Variants in EYS observed in about 807,000 individuals in gnomAD.
EYS encodes EGF-like photoreceptor maintenance factor.
Under a neutral mutation model 282.1 loss-of-function variants are expected in EYS, and 250 were observed. The ratio of observed to expected loss-of-function variants is 0.89; its 90% CI spans 0.80 to 0.98. EYS has a LOEUF of 0.98. Among genes scored for constraint, EYS ranks in the 50% least tolerant of loss-of-function variants. The probability of loss-of-function intolerance (pLI) is 0.00; values close to 1 mark genes in which losing one functional copy is unlikely to be tolerated. For synonymous variants in EYS, 1,355 were observed against 1,282.9 expected, an observed-to-expected ratio of 1.06 and a Z score of -1.20; for missense variants, 4,016 against 3,709.0, an observed-to-expected ratio of 1.08 and a Z score of -2.15.
chr6:64,338,591 C>T (rs771109310), intron 29 of EYS, among the ~76,000 whole-genome samples: 9 of 151,702 alleles, frequency 5.9e-5, no homozygotes, highest in Non-Finnish European at 1.3e-4. Flanking sequence ...ATGCAATCCC[C>T]ATCAAAATAC....
At chr6:64,075,521 G>C (rs749884732) in intron 32 of EYS, among the ~76,000 whole-genome samples, 4 of 151,770 alleles carry the variant, frequency 2.6e-5, no homozygotes, top group Non-Finnish European at 5.9e-5. Context: ...TCTTCATTTG[G>C]GTGAAATGAA....
At chr6:65,089,996 C>CAT (rs1774508196) in intron 12 of EYS, among the ~76,000 whole-genome samples, 2 of 148,802 alleles carry the variant, frequency 1.3e-5, no homozygotes, top group African/African-American at 5.0e-5. Flanking sequence ...CACACACACA[C>CAT]ACACACACAC....
At chr6:63,877,032 G>A (rs1168864634) in intron 35 of EYS, among the ~76,000 whole-genome samples, 1 of 152,090 alleles carries the variant, frequency 6.6e-6, no homozygotes, top group African/African-American at 2.4e-5. Context: ...TGGTTATTTT[G>A]CTCGTTAGTT....
At chr6:64,902,289 G>A in intron 17 of EYS, 69 bp from the exon 18 acceptor site, 2 of 1,339,322 alleles carry the variant, frequency 1.5e-6, no homozygotes, top group Non-Finnish European at 2.1e-6. Context: ...ACTAATTGTA[G>A]CATGGCAAGT....
At chr6:64,786,256 G>A (rs1167947043) in intron 22 of EYS, among the ~76,000 whole-genome samples, 1 of 151,214 alleles carries the variant, frequency 6.6e-6, no homozygotes, top group Non-Finnish European at 1.5e-5. Context: ...AGAAGGAAGG[G>A]AGAAGGAAGA....
intron 12 of EYS, among the ~76,000 whole-genome samples, chr6:65,180,311 G>T (rs947516261): frequency 2.6e-5 from 4 of 151,828 alleles, no homozygotes; most frequent in African/African-American, 7.2e-5. Context: ...AAAACCCCAT[G>T]GTCTCAGCCC....
At chr6:64,510,861 G>A (rs1016019950) in intron 26 of EYS, among the ~76,000 whole-genome samples, 2 of 151,938 alleles carry the variant, frequency 1.3e-5, no homozygotes, top group African/African-American at 4.8e-5. Context: ...GTTTCTCTCC[G>A]GCAATGCCTG....
At chr6:65,637,477 G>T (rs1767129363) in intron 2 of EYS, among the ~76,000 whole-genome samples, 1 of 152,162 alleles carries the variant, frequency 6.6e-6, no homozygotes, top group African/African-American at 2.4e-5. Context: ...CCAGGAGCAG[G>T]CGAGAGCCCA....
At chr6:63,981,443 T>A (rs1050154928) in intron 35 of EYS, among the ~76,000 whole-genome samples, 3 of 151,848 alleles carry the variant, frequency 2.0e-5, no homozygotes, top group African/African-American at 7.2e-5. Flanking sequence ...ACAAAGGGAT[T>A]GCAGGAATAT....
intron 11 of EYS, chr6:65,332,115 C>T: frequency 2.4e-6 from 1 of 422,392 alleles, no homozygotes; most frequent in Non-Finnish European, 4.2e-6. Flanking sequence ...AGTTATGTTT[C>T]TTCATTCTTC....
intron 14 of EYS, among the ~76,000 whole-genome samples, chr6:64,985,872 C>T (rs75063603): frequency 0.024 from 3,586 of 151,446 alleles, 136 homozygotes; most frequent in African/African-American, 0.082. Context: ...AAGTCGGCCT[C>T]AGCTCTTTAG....
intron 22 of EYS, among the ~76,000 whole-genome samples, chr6:64,641,371 A>G (rs961411556): frequency 1.3e-5 from 2 of 152,218 alleles, no homozygotes; most frequent in African/African-American, 4.8e-5. Flanking sequence ...GGTGCCTCCT[A>G]CAACATGTGG....
chr6:64,846,232 C>A (rs140004287), intron 19 of EYS, among the ~76,000 whole-genome samples: 189 of 152,160 alleles, frequency 1.2e-3, no homozygotes, highest in African/African-American at 4.2e-3. Flanking sequence ...TTATGTCAAG[C>A]CTTTCATTAA....
chr6:65,537,327 C>T (rs140818790), intron 2 of EYS, among the ~76,000 whole-genome samples: 167 of 152,160 alleles, frequency 1.1e-3, no homozygotes, highest in African/African-American at 3.7e-3. Flanking sequence ...GCACATGTAT[C>T]CCCTAACTTA....
chr6:65,086,470 A>G (rs1774378947), intron 12 of EYS, among the ~76,000 whole-genome samples: 1 of 152,158 alleles, frequency 6.6e-6, no homozygotes, highest in African/African-American at 2.4e-5. Flanking sequence ...GGATGTGTAT[A>G]GCATAGATCA....
chr6:65,625,791 A>G (rs548462726), intron 2 of EYS, among the ~76,000 whole-genome samples: 3 of 152,358 alleles, frequency 2.0e-5, no homozygotes, highest in African/African-American at 4.8e-5. Flanking sequence ...ATTTAGCTCT[A>G]AAGCCATTAA....
chr6:65,242,214 TGC>T (rs1346605740), intron 12 of EYS, among the ~76,000 whole-genome samples: 2 of 152,122 alleles, frequency 1.3e-5, no homozygotes, highest in Non-Finnish European at 2.9e-5. Flanking sequence ...TAGAAATTTG[TGC>T]AACCATCATC....
At chr6:64,451,141 A>C (rs1050504901) in intron 26 of EYS, among the ~76,000 whole-genome samples, 5 of 152,158 alleles carry the variant, frequency 3.3e-5, no homozygotes, top group Non-Finnish European at 7.4e-5. Flanking sequence ...AGAGAGAAGA[A>C]TCAAATAGAT....
intron 31 of EYS, among the ~76,000 whole-genome samples, chr6:64,088,870 C>A (rs1186595680): frequency 6.6e-6 from 1 of 151,942 alleles, no homozygotes; most frequent in Non-Finnish European, 1.5e-5. Flanking sequence ...TCTATAAAGG[C>A]CTTCTATTAG....
Sources: allele counts gnomAD v4.1 joint callset (sites outside exome capture counted in the v4.1 genomes callset), GRCh38; gene constraint gnomAD v4.1.1; transcripts MANE v1.5; gene names NCBI Gene and HGNC (gene_info 2026-07-23, HGNC 2026-07-21).